PTPRN2: variants seen among roughly 807,000 people sequenced by gnomAD.
PTPRN2 encodes protein tyrosine phosphatase receptor type N2.
Under a neutral mutation model 118.8 loss-of-function variants are expected in PTPRN2, and 74 were observed. The ratio of observed to expected loss-of-function variants is 0.62; its 90% CI spans 0.52 to 0.76. The LOEUF (loss-of-function observed/expected upper bound fraction) is 0.76. Ranked by LOEUF, PTPRN2 falls within the 30% of genes least tolerant of loss-of-function variation. The probability of loss-of-function intolerance (pLI) is 0.00; values close to 1 mark genes in which losing one functional copy is unlikely to be tolerated. For missense variants in PTPRN2, 1,481 were observed against 1,394.4 expected (o/e 1.06, Z -0.99); for synonymous variants, 641 against 608.0 (o/e 1.05, Z -0.80).
Position 157,691,075 on chromosome 7 carries a change from C to A in PTPRN2, c.1789-8138G>T, listed in dbSNP as rs186603082. Among the ~76,000 whole-genome samples, 717 of 117,940 alleles carry A rather than the reference C, an allele frequency of 6.1e-3. 48 individuals are homozygous for A. The highest frequency in any genetic ancestry group is 0.02 in the African/African-American group (670 of 33,332). The allele number at this position is 117,940 out of a possible 152,430, so 77.4% of individuals were successfully genotyped here. ...CGGTTGCTATAGCGATGTCCCCCCC[C>A]CCCCCCACATGTTGCTGACAGCAAT... On this transcript the variant is annotated intron_variant, in intron 12 of 22. Transcript: ENST00000389418.
At chr7:158,408,070 T>G (rs1813742073) in intron 2 of PTPRN2, among the ~76,000 whole-genome samples, 1 of 152,172 alleles carries the variant, frequency 6.6e-6, no homozygotes, top group African/African-American at 2.4e-5. Flanking sequence ...AAGGCAACAC[T>G]TAGACCAAAT....
intron 9 of PTPRN2, among the ~76,000 whole-genome samples, chr7:158,122,796 C>G (rs1046800355): frequency 2.6e-5 from 4 of 152,226 alleles, no homozygotes; most frequent in Non-Finnish European, 4.4e-5. Context: ...TATGTTCCAA[C>G]GTAGGTGCCC....
Position 157,953,187 on chromosome 7 carries a change from G to C in PTPRN2, c.1724-54450C>G, listed in dbSNP as rs146734255. On this transcript the variant is annotated intron_variant, in intron 11 of 22. Transcript: ENST00000389418. This position sits in a 1 kb window ranked among gnomAD's most constrained non-coding sequence, Gnocchi z 4.6. ...ACCATGTTGACTGTACCCGTGTGCA[G>C]CTTGCACAGAGTCCCCAGCAGCTCT... Among the ~76,000 whole-genome samples the C allele has an allele frequency of 6.6e-6, 1 of 152,350 alleles. No homozygotes were observed. Among genetic ancestry groups the C allele is most frequent in the Non-Finnish European group, 1.5e-5 (1 of 68,030 alleles).
At chr7:157,854,000 A>T (rs1809491625) in intron 12 of PTPRN2, among the ~76,000 whole-genome samples, 2 of 152,190 alleles carry the variant, frequency 1.3e-5, no homozygotes, top group South Asian at 4.1e-4. Context: ...TCTGGGACAG[A>T]TTCTTCTCCG....
At chr7:157,747,591 G>T (rs1801064920) in intron 12 of PTPRN2, among the ~76,000 whole-genome samples, 1 of 125,944 alleles carries the variant, frequency 7.9e-6, no homozygotes, top group Non-Finnish European at 1.7e-5. Flanking sequence ...CTGAGCTGTG[G>T]GGTGTCCGGG....
chr7:157,792,741 C>G (rs1168688480), intron 12 of PTPRN2, among the ~76,000 whole-genome samples: 1 of 152,178 alleles, frequency 6.6e-6, no homozygotes, highest in South Asian at 2.1e-4. Context: ...CGCAGATGGG[C>G]CACCCGGAGG....
chr7:157,900,443 G>A (rs1797376527), intron 11 of PTPRN2, among the ~76,000 whole-genome samples: 1 of 152,224 alleles, frequency 6.6e-6, no homozygotes, highest in South Asian at 2.1e-4. Context: ...GTCTAAGGGT[G>A]TCTGTCCATC....
rs537964523 is a variant in PTPRN2 at position 157,921,405 on chromosome 7, G to A, written c.1724-22668C>T. ...TGTTTGATGCTATGATGATGGATAC[G>A]TGTCATCATACACTTGCCCAAACCC... On this transcript the variant is annotated intron_variant, in intron 11 of 22. Transcript: ENST00000389418. Among the ~76,000 whole-genome samples the A allele has an allele frequency of 3.1e-3, 477 of 152,318 alleles. 4 individuals carry two copies. Among genetic ancestry groups the A allele is most frequent in the Non-Finnish European group, 4.6e-3 (316 of 68,030 alleles).
intron 2 of PTPRN2, among the ~76,000 whole-genome samples, chr7:158,482,702 A>G (rs1820732044): frequency 6.6e-6 from 1 of 152,196 alleles, no homozygotes; most frequent in Admixed American, 6.5e-5. Context: ...TTGAACCCAC[A>G]ATATCTCCGA....
At chr7:157,656,672 G>T (rs1021368906) in intron 13 of PTPRN2, 121 bp from the exon 14 acceptor site, 16 of 1,084,568 alleles carry the variant, frequency 1.5e-5, no homozygotes, top group Non-Finnish European at 2.1e-5. Context: ...GTTCAGGCAG[G>T]CGAGAGTTTA....
chr7:157,889,888 C>T (rs1376684387), intron 12 of PTPRN2, among the ~76,000 whole-genome samples: 1 of 152,230 alleles, frequency 6.6e-6, no homozygotes, highest in Non-Finnish European at 1.5e-5. Flanking sequence ...CCACCATCAA[C>T]CCCATAAGAG....
chr7:158,482,944 G>A (rs1820749118), intron 2 of PTPRN2, among the ~76,000 whole-genome samples: 1 of 152,206 alleles, frequency 6.6e-6, no homozygotes, highest in East Asian at 1.9e-4. Flanking sequence ...CTCGGAGGCA[G>A]GTCATAAGAC....
chr7:158,213,044 T>G (rs902452337), intron 3 of PTPRN2, among the ~76,000 whole-genome samples: 2 of 152,216 alleles, frequency 1.3e-5, no homozygotes, highest in Non-Finnish European at 1.5e-5. Context: ...TTATGCAATT[T>G]GTACATGTTA....
At chr7:158,121,254 G>A (rs1214377933) in intron 9 of PTPRN2, among the ~76,000 whole-genome samples, 1 of 152,162 alleles carries the variant, frequency 6.6e-6, no homozygotes, top group African/African-American at 2.4e-5. Context: ...GTGCAGAAGG[G>A]CAGGTGGAGA....
rs777399281 is a variant in PTPRN2, at chr7:158,192,347, G to A, written c.529C>T (p.Gln177Ter). The A allele has an allele frequency of 6.6e-7, 1 of 1,509,732 alleles. No individual in the cohort carries two copies. The highest frequency in any genetic ancestry group is 8.8e-7 in the Non-Finnish European group (1 of 1,141,320). 93.5% of individuals were successfully genotyped at this position (1,509,732 alleles called of 1,614,324 possible). A position where few individuals can be genotyped will look rare whatever the true frequency, so the allele number is the denominator to read the frequency against. ...SDVLARTHTA[Q>*]DRPPAEGDDR... ...GTCACCTCAGCGGGGGGTCTGTCCT[G>A]CGCCGTATGGGTCCTGGCGAGCACG... Residue 177 changes from glutamine to a stop codon, truncating the protein, a stop_gained, in exon 5 of 23, where the codon CAG becomes TAG. Coordinates refer to ENST00000389418, the MANE Select transcript of PTPRN2 (RefSeq NM_002847.5). LOFTEE classifies it high-confidence loss of function.
At chr7:157,581,134 C>A (rs1043355127) in intron 17 of PTPRN2, among the ~76,000 whole-genome samples, 10 of 151,802 alleles carry the variant, frequency 6.6e-5, no homozygotes, top group Non-Finnish European at 7.4e-5. Context: ...CACACCAGCA[C>A]CTGCACACAC....
intron 14 of PTPRN2, among the ~76,000 whole-genome samples, chr7:157,636,737 T>A (rs1376774570): frequency 6.6e-6 from 1 of 152,234 alleles, no homozygotes. Context: ...TTTGGAGAAA[T>A]GGCGTGGAAG....
chr7:157,598,014 G>A lies in PTPRN2; in HGVS notation c.2419-2699C>T, dbSNP rs1801447424. On this transcript the variant is annotated intron_variant, in intron 16 of 22. Coordinates refer to ENST00000389418, the MANE Select transcript of PTPRN2 (RefSeq NM_002847.5). The surrounding 1 kb of genome is among the most constrained non-coding windows in gnomAD (Gnocchi z 5.2). ...ACAGGCAGCCTCCTTGTGGTCTCAC[G>A]CAGGCTTCGAGGAAAAGTCAAGCAA... 6.6e-6 allele frequency among the ~76,000 whole-genome samples: 1 copy of A among 152,240 alleles called. No homozygotes were observed.
At chr7:158,480,704 T>C (rs891304155) in intron 2 of PTPRN2, among the ~76,000 whole-genome samples, 2 of 152,194 alleles carry the variant, frequency 1.3e-5, no homozygotes, top group Non-Finnish European at 2.9e-5. Context: ...GCCTTACTGC[T>C]CATATTGAGA....
Sources: allele counts gnomAD v4.1 joint callset (sites outside exome capture counted in the v4.1 genomes callset), GRCh38; gene constraint gnomAD v4.1.1; non-coding constraint Gnocchi (gnomAD v3.1); transcripts MANE v1.5; gene names NCBI Gene and HGNC (gene_info 2026-07-23, HGNC 2026-07-21).